The following GRK5 variants were observed in gnomAD, a reference collection of about 807,000 sequenced individuals.
GRK5 encodes g protein-coupled receptor kinase GRK5.
Under a neutral mutation model 78.4 loss-of-function variants are expected in GRK5, and 40 were observed. The observed-to-expected ratio is 0.51, with a 90% CI of 0.40 to 0.66. The LOEUF is 0.66. Ranked by LOEUF, GRK5 falls within the 30% of genes least tolerant of loss-of-function variation. The pLI is 0.00. For missense variants in GRK5, 598 were observed against 759.9 expected (o/e 0.79, Z 2.50); for synonymous variants, 289 against 296.8 (o/e 0.97, Z 0.27).
chr10:119,373,935 A>C (rs774425338), intron 2 of GRK5, among the ~76,000 whole-genome samples: 15 of 152,208 alleles, frequency 9.9e-5, no homozygotes, highest in Non-Finnish European at 1.9e-4. Flanking sequence ...TGTGAAAGAG[A>C]CCATATGGCC....
chr10:119,399,606 G>A (rs552924885), intron 4 of GRK5, among the ~76,000 whole-genome samples: 4 of 152,306 alleles, frequency 2.6e-5, no homozygotes, highest in South Asian at 2.1e-4. Context: ...TCAATTACAC[G>A]TGGGCAGCAC....
intron 1 of GRK5, among the ~76,000 whole-genome samples, chr10:119,234,488 C>T (rs770263510): frequency 3.3e-5 from 5 of 152,124 alleles, no homozygotes; most frequent in Non-Finnish European, 7.3e-5. Flanking sequence ...CAAGTTCCAC[C>T]GTCAGTAGGA....
At chr10:119,269,151 A>C (rs1849547678) in intron 1 of GRK5, among the ~76,000 whole-genome samples, 1 of 152,228 alleles carries the variant, frequency 6.6e-6, no homozygotes, top group East Asian at 1.9e-4. Flanking sequence ...ACATAGAAAC[A>C]AACCAGCATC....
At chr10:119,296,190 G>A (rs1850077460) in intron 1 of GRK5, among the ~76,000 whole-genome samples, 2 of 152,294 alleles carry the variant, frequency 1.3e-5, no homozygotes, top group East Asian at 3.9e-4. Flanking sequence ...GTCCCTTCAT[G>A]TCACAAAATG....
chr10:119,305,331 C>T (rs921633530), intron 1 of GRK5, among the ~76,000 whole-genome samples: 3 of 152,188 alleles, frequency 2.0e-5, no homozygotes. Context: ...TCAACATGAC[C>T]TGCTTCTGGG....
At position 119,455,206 on chromosome 10, in the gene GRK5, G is replaced by A. The variant is rs766755757; in HGVS notation, c.*139G>A. ...GGGGAAGGAGGCCGTCCATCCCGTC[G>A]ACGTAGAACCTCGAGGTTTCTCAAA... On this transcript the variant is annotated 3_prime_UTR_variant, in exon 16 of 16. Coordinates refer to ENST00000392870, the MANE Select transcript of GRK5 (RefSeq NM_005308.3). 45 of 750,092 alleles carry A rather than the reference G, an allele frequency of 6.0e-5. 2 individuals are homozygous for A. The Middle Eastern group carries it at 2.0e-3, about 33-fold the overall frequency. 46.5% of individuals were successfully genotyped at this position (750,092 alleles called of 1,614,324 possible).
chr10:119,315,550 T>G (rs188282011), intron 1 of GRK5, among the ~76,000 whole-genome samples: 77 of 152,212 alleles, frequency 5.1e-4, no homozygotes, highest in African/African-American at 1.8e-3. Context: ...GCCTCCACTT[T>G]GCCCAGGCCA....
rs369523633 is a variant in GRK5, at chr10:119,294,131, G to A, written c.53-32385G>A. 1.2e-4 allele frequency among the ~76,000 whole-genome samples: 19 copies of A among 152,292 alleles called. 1 individual carries two copies. In the East Asian group the frequency reaches 2.1e-3, roughly 17 times the overall value. ...TGACCCCTCCTGCAGGGAGGAAAGCGTACCTGGATCTGGGTGAGAGGCATG... is the reference window on the plus strand; with the variant it reads ...TGACCCCTCCTGCAGGGAGGAAAGCATACCTGGATCTGGGTGAGAGGCATG... On this transcript the variant is annotated intron_variant, in intron 1 of 15. Transcript: ENST00000392870.
At chr10:119,216,344 A>G (rs1848574136) in intron 1 of GRK5, among the ~76,000 whole-genome samples, 2 of 152,378 alleles carry the variant, frequency 1.3e-5, no homozygotes, top group African/African-American at 2.4e-5. Context: ...GGGTAAACAG[A>G]TAAGCTGAGA....
intron 1 of GRK5, among the ~76,000 whole-genome samples, chr10:119,266,894 C>T (rs1451334209): frequency 1.3e-5 from 2 of 151,870 alleles, no homozygotes; most frequent in African/African-American, 2.4e-5. Flanking sequence ...TCTGCCTCAG[C>T]CTCCTGAGTA....
chr10:119,241,277 C>G (rs1849021139), intron 1 of GRK5, among the ~76,000 whole-genome samples: 1 of 152,146 alleles, frequency 6.6e-6, no homozygotes, highest in Non-Finnish European at 1.5e-5. Flanking sequence ...TCTGTGGTCC[C>G]TGTGCTCATA....
intron 2 of GRK5, among the ~76,000 whole-genome samples, chr10:119,350,336 T>C (rs1478898713): frequency 1.3e-5 from 2 of 152,210 alleles, no homozygotes; most frequent in Non-Finnish European, 2.9e-5. Flanking sequence ...CAAGTCTGAG[T>C]TGGCATGAAC....
At chr10:119,402,471 G>C (rs892116108) in intron 4 of GRK5, among the ~76,000 whole-genome samples, 1 of 152,172 alleles carries the variant, frequency 6.6e-6, no homozygotes, top group Non-Finnish European at 1.5e-5. Context: ...CCGAGCTGAG[G>C]TGGCCCAGGA....
rs1852818799 is a variant in GRK5, at chr10:119,431,585, TC to T, written c.738+61del. 2 of 1,578,668 alleles carry T rather than the reference TC, an allele frequency of 1.3e-6. No individual in the cohort carries two copies. Among genetic ancestry groups the T allele is most frequent in the African/African-American group, 2.7e-5 (2 of 73,842 alleles). Reference sequence around the variant, plus strand: ...GCCCTTCTGTGGACTGGGGCTTCCCTCCCTCCGGAAGGGCGTGGTCCTCTAA... The same window carrying T: ...GCCCTTCTGTGGACTGGGGCTTCCCTCCTCCGGAAGGGCGTGGTCCTCTAA... On this transcript the variant is annotated intron_variant, in intron 8 of 15. Transcript: ENST00000392870. The surrounding 1 kb of genome is among the most constrained non-coding windows in gnomAD (Gnocchi z 4.8).
chr10:119,363,226 AG>A (rs1180653054), intron 2 of GRK5, among the ~76,000 whole-genome samples: 1 of 151,712 alleles, frequency 6.6e-6, no homozygotes, highest in Non-Finnish European at 1.5e-5. Context: ...GGTTGCGGTG[AG>A]CCAAGATTGC....
intron 2 of GRK5, among the ~76,000 whole-genome samples, chr10:119,345,170 G>A (rs910279569): frequency 3.3e-5 from 5 of 151,920 alleles, no homozygotes; most frequent in African/African-American, 7.3e-5. Flanking sequence ...GGATTTCACC[G>A]TGTTAGCCAG....
At chr10:119,367,059 C>T (rs754385265) in intron 2 of GRK5, among the ~76,000 whole-genome samples, 10 of 152,090 alleles carry the variant, frequency 6.6e-5, no homozygotes, top group Non-Finnish European at 1.0e-4. Flanking sequence ...GTGCCTGGTA[C>T]GCAGGAAGCA....
chr10:119,392,766 ATC>A (rs372083115), intron 3 of GRK5, among the ~76,000 whole-genome samples: 4 of 151,858 alleles, frequency 2.6e-5, no homozygotes, highest in African/African-American at 4.8e-5. Context: ...GACAAGGCCC[ATC>A]TCTCTCTCTC....
intron 3 of GRK5, among the ~76,000 whole-genome samples, chr10:119,390,089 G>A (rs1423779161): frequency 6.6e-6 from 1 of 152,198 alleles, no homozygotes; most frequent in African/African-American, 2.4e-5. Flanking sequence ...CAGAGACAGA[G>A]AAACAATTCT....
Sources: allele counts gnomAD v4.1 joint callset (sites outside exome capture counted in the v4.1 genomes callset), GRCh38; gene constraint gnomAD v4.1.1; non-coding constraint Gnocchi (gnomAD v3.1); transcripts MANE v1.5; gene names NCBI Gene and HGNC (gene_info 2026-07-23, HGNC 2026-07-21).